METTL16: variants seen among roughly 807,000 people sequenced by gnomAD.
METTL16 encodes the protein methyltransferase 16, RNA N6-adenosine, also known as RNA N(6)-adenosine-methyltransferase METTL16.
In METTL16, 19 loss-of-function variants were observed where a neutral mutation model predicts 57.9. The observed-to-expected ratio is 0.33, with a 90% CI of 0.23 to 0.48. METTL16 has a LOEUF of 0.48. Ranked by LOEUF, METTL16 falls within the 20% of genes least tolerant of loss-of-function variation. METTL16 has a pLI of 0.99. For synonymous variants in METTL16, 246 were observed against 255.6 expected (o/e 0.96, Z 0.36); for missense variants, 434 against 691.5 (o/e 0.63, Z 4.18).
intron 8 of METTL16, among the ~76,000 whole-genome samples, chr17:2,423,169 A>G (rs1377662767): frequency 6.6e-6 from 1 of 152,036 alleles, no homozygotes; most frequent in Non-Finnish European, 1.5e-5. Context: ...TCTAATAAGA[A>G]CTAACCAGCG....
At position 2,436,311 on chromosome 17, in the gene METTL16, T is replaced by A. The variant is rs183531341; in HGVS notation, c.888+1798A>T. On this transcript the variant is annotated intron_variant, in intron 8 of 9. Coordinates refer to ENST00000263092, the MANE Select transcript of METTL16 (RefSeq NM_024086.4). ...TTCAAACACAAACCTCTAGATAACT[T>A]ACTGCACTGTCCAGGAGTCTACCCT... Among the ~76,000 whole-genome samples, 13 of 152,254 alleles carry A rather than the reference T, an allele frequency of 8.5e-5. No individual in the cohort carries two copies. The East Asian group carries it at 2.1e-3, about 25-fold the overall frequency.
chr17:2,496,371 T>C (rs1001947355), intron 2 of METTL16, among the ~76,000 whole-genome samples: 4 of 151,352 alleles, frequency 2.6e-5, no homozygotes, highest in Admixed American at 2.6e-4. Flanking sequence ...AATCATAAGT[T>C]CACTGCAGCC....
At chr17:2,454,396 A>C (rs1374505718) in intron 6 of METTL16, among the ~76,000 whole-genome samples, 1 of 152,112 alleles carries the variant, frequency 6.6e-6, no homozygotes, top group Non-Finnish European at 1.5e-5. Flanking sequence ...AAATGCCCCT[A>C]GATATTCAAC....
chr17:2,467,218 T>C (rs116016030), intron 5 of METTL16, among the ~76,000 whole-genome samples: 255 of 152,200 alleles, frequency 1.7e-3, no homozygotes, highest in African/African-American at 5.6e-3. Flanking sequence ...CTAACTGGTA[T>C]ACAGCTTTCA....
At chr17:2,486,952 C>T (rs377019482) in intron 2 of METTL16, among the ~76,000 whole-genome samples, 2 of 122,956 alleles carry the variant, frequency 1.6e-5, no homozygotes, top group East Asian at 2.5e-4. Context: ...TGCAGTGAGC[C>T]GAAATTGTAC....
intron 8 of METTL16, among the ~76,000 whole-genome samples, chr17:2,432,110 ATT>A: frequency 6.6e-6 from 1 of 152,016 alleles, no homozygotes; most frequent in Non-Finnish European, 1.5e-5. Context: ...ATGTCCAGCT[ATT>A]TTTTTGTATT....
intron 8 of METTL16, among the ~76,000 whole-genome samples, chr17:2,426,847 A>G (rs1276611472): frequency 6.6e-6 from 1 of 152,024 alleles, no homozygotes; most frequent in Non-Finnish European, 1.5e-5. Flanking sequence ...TGAATTTGAA[A>G]AAATGGGTCA....
intron 8 of METTL16, among the ~76,000 whole-genome samples, chr17:2,421,827 G>A (rs1013184155): frequency 7.2e-5 from 11 of 152,194 alleles, no homozygotes; most frequent in Non-Finnish European, 1.5e-4. Context: ...AATCGTGGCT[G>A]ATGTCGGGAC....
intron 1 of METTL16, among the ~76,000 whole-genome samples, chr17:2,510,198 C>T (rs2067577800): frequency 6.6e-6 from 1 of 152,092 alleles, no homozygotes; most frequent in African/African-American, 2.4e-5. Flanking sequence ...GGACATGTGA[C>T]ATTTATGCGG....
rs1424035663 is a variant in METTL16, at chr17:2,437,101, C to T, written c.888+1008G>A. Among the ~76,000 whole-genome samples the T allele has an allele frequency of 3.9e-5, 6 of 152,184 alleles. No individual in the cohort carries two copies. The South Asian group carries it at 6.2e-4, about 16-fold the overall frequency. On this transcript the variant is annotated intron_variant, in intron 8 of 9. Transcript: ENST00000263092. The stretch of plus-strand genomic sequence containing the variant: ...TTCACCATGTTGCCTAGGCTGGTTT[C>T]GAACTCCTGAGTTCAAGTGATCTGC...
intron 8 of METTL16, among the ~76,000 whole-genome samples, chr17:2,427,263 T>C (rs2151542810): frequency 6.6e-6 from 1 of 152,376 alleles, no homozygotes; most frequent in Middle Eastern, 3.4e-3. Context: ...CTTCTGACCA[T>C]TCTTTTGAGA....
Position 2,477,866 on chromosome 17 carries a change from C to T in METTL16, c.148G>A (p.Glu50Lys), listed in dbSNP as rs768657565. Residue 50 changes from glutamate (E) to lysine (K), a missense_variant, in exon 3 of 10, where the codon GAA (glutamate) becomes AAA (lysine). Glu to Lys is a moderately conservative substitution (Grantham distance 56). This residue lies in a region of METTL16 where 118 missense variants were observed against 280.0 expected (regional missense o/e 0.42). Transcript: ENST00000263092. ...GRVSLNFKDP[E>K]AVRALTCTLL... ...GTACACGTCAGAGCTCTGACTGCTT[C>T]GGGGTCTTTAAAATTAAGGCTGAGG... is the stretch of plus-strand genomic sequence containing the variant. The T allele has an allele frequency of 1.7e-5, 28 of 1,613,584 alleles. No homozygotes were observed. In the Admixed American group the frequency reaches 2.5e-4, roughly 14 times the overall value.
chr17:2,460,501 A>G (rs780503603), intron 6 of METTL16, among the ~76,000 whole-genome samples: 24 of 152,222 alleles, frequency 1.6e-4, no homozygotes, highest in Non-Finnish European at 2.9e-4. Flanking sequence ...TTACTGTTTA[A>G]AAGCCTCCTA....
intron 6 of METTL16, among the ~76,000 whole-genome samples, chr17:2,445,148 C>A (rs1459302682): frequency 6.6e-6 from 1 of 152,132 alleles, no homozygotes; most frequent in Non-Finnish European, 1.5e-5. Context: ...CCGTGCTCAG[C>A]CCATTTTTAT....
chr17:2,476,505 C>T (rs1394703903), intron 3 of METTL16, among the ~76,000 whole-genome samples: 1 of 151,964 alleles, frequency 6.6e-6, no homozygotes, highest in East Asian at 1.9e-4. Context: ...AGTCTGGTGT[C>T]ATGGAAGCCA....
chr17:2,455,246 G>A (rs1169316271), intron 6 of METTL16: 1 of 154,520 alleles, frequency 6.5e-6, no homozygotes, highest in African/African-American at 2.4e-5. Flanking sequence ...GCACCACCAC[G>A]TCTGGCTACT....
At chr17:2,447,929 C>T (rs1234858979) in intron 6 of METTL16, among the ~76,000 whole-genome samples, 1 of 109,164 alleles carries the variant, frequency 9.2e-6, no homozygotes, top group African/African-American at 4.2e-5. Flanking sequence ...CCCGGCCAGC[C>T]GCCCCGTCCG....
chr17:2,469,927 C>G (rs2067225321), intron 4 of METTL16, among the ~76,000 whole-genome samples: 1 of 152,200 alleles, frequency 6.6e-6, no homozygotes, highest in Non-Finnish European at 1.5e-5. Context: ...TTCTCATTAT[C>G]TGCGCTAGTT....
intron 6 of METTL16, among the ~76,000 whole-genome samples, chr17:2,449,132 T>G (rs778129860): frequency 6.6e-6 from 1 of 152,044 alleles, no homozygotes; most frequent in African/African-American, 2.4e-5. Context: ...TACGGTAGCA[T>G]GAAAATACAT....
Sources: allele counts gnomAD v4.1 joint callset (sites outside exome capture counted in the v4.1 genomes callset), GRCh38; gene constraint gnomAD v4.1.1; regional missense constraint gnomAD v4.1.1; transcripts MANE v1.5; gene names NCBI Gene and HGNC (gene_info 2026-07-23, HGNC 2026-07-21).